IMMP2L: variants seen among roughly 807,000 people sequenced by gnomAD.
The protein encoded by IMMP2L is inner mitochondrial membrane peptidase subunit 2, also known as mitochondrial inner membrane protease subunit 2.
Under a neutral mutation model 19.3 loss-of-function variants are expected in IMMP2L, and 18 were observed. The observed-to-expected ratio is 0.93, with a 90% CI of 0.64 to 1.38. IMMP2L has a LOEUF of 1.38. Among genes scored for constraint, IMMP2L ranks in the 40% most tolerant of loss-of-function variants. The pLI, the probability that IMMP2L is intolerant of heterozygous loss-of-function variation, is 0.00. For synonymous variants in IMMP2L, 76 were observed against 73.0 expected (o/e 1.04, Z -0.21); for missense variants, 233 against 218.2 (o/e 1.07, Z -0.43).
At chr7:111,500,671 C>G (rs957359702) in intron 2 of IMMP2L, among the ~76,000 whole-genome samples, 1 of 152,060 alleles carries the variant, frequency 6.6e-6, no homozygotes, top group Non-Finnish European at 1.5e-5. Flanking sequence ...TCTACAGCCA[C>G]CGCTGTTCTG....
chr7:111,309,977 G>A (rs1422004570), intron 3 of IMMP2L, among the ~76,000 whole-genome samples: 2 of 152,070 alleles, frequency 1.3e-5, no homozygotes, highest in African/African-American at 4.8e-5. Context: ...GCTCACACCT[G>A]TAATCCCAGC....
chr7:111,223,378 A>C (rs1276326692), intron 3 of IMMP2L, among the ~76,000 whole-genome samples: 1 of 152,110 alleles, frequency 6.6e-6, no homozygotes, highest in Non-Finnish European at 1.5e-5. Context: ...TGTTTTAAAA[A>C]TATTTTCTAA....
intron 3 of IMMP2L, among the ~76,000 whole-genome samples, chr7:111,076,606 A>G (rs1795437190): frequency 6.6e-6 from 1 of 152,180 alleles, no homozygotes; most frequent in Admixed American, 6.5e-5. Context: ...TTTGTCCATT[A>G]GCCTTCTGTC....
At chr7:111,219,974 C>T (rs2129620344) in intron 3 of IMMP2L, among the ~76,000 whole-genome samples, 1 of 152,060 alleles carries the variant, frequency 6.6e-6, no homozygotes, top group East Asian at 1.9e-4. Context: ...AGAAATTTCA[C>T]AAAATAAATT....
chr7:111,316,448 T>C (rs1436574136), intron 3 of IMMP2L, among the ~76,000 whole-genome samples: 1 of 152,138 alleles, frequency 6.6e-6, no homozygotes, highest in Non-Finnish European at 1.5e-5. Flanking sequence ...ATGTATGATT[T>C]AGGGATGAAT....
intron 4 of IMMP2L, among the ~76,000 whole-genome samples, chr7:110,951,672 A>C (rs1054285050): frequency 7.9e-5 from 12 of 151,940 alleles, no homozygotes; most frequent in African/African-American, 2.9e-4. Flanking sequence ...AACTTTGCCA[A>C]GGTTACACAG....
In IMMP2L at chr7:111,333,212, G is replaced by T. The variant is rs188750233; in HGVS notation, c.239+154026C>A. Among the ~76,000 whole-genome samples the T allele has an allele frequency of 4.5e-4, 69 of 152,276 alleles. No individual in the cohort carries two copies. In the East Asian group the frequency reaches 0.013, roughly 28 times the overall value. On this transcript the variant is annotated intron_variant, in intron 3 of 5. Coordinates refer to ENST00000405709, the MANE Select transcript of IMMP2L (RefSeq NM_032549.4). Reference sequence around the variant, plus strand: ...GTGACCAGTTGCACAAACAAGGACTGTAATTGTAATGAGTATTTCCTCCTT... The same window carrying T: ...GTGACCAGTTGCACAAACAAGGACTTTAATTGTAATGAGTATTTCCTCCTT...
chr7:110,676,005 A>G (rs1792270522), intron 5 of IMMP2L, among the ~76,000 whole-genome samples: 3 of 152,220 alleles, frequency 2.0e-5, no homozygotes, highest in Non-Finnish European at 4.4e-5. Context: ...TTAAACCTGC[A>G]GTATAGATAT....
intron 4 of IMMP2L, among the ~76,000 whole-genome samples, chr7:110,905,740 A>G (rs1177650561): frequency 6.6e-6 from 1 of 152,174 alleles, no homozygotes; most frequent in Non-Finnish European, 1.5e-5. Flanking sequence ...TACCTCAACA[A>G]TTAGAAATCC....
chr7:111,015,070 T>C (rs548685661), intron 3 of IMMP2L, among the ~76,000 whole-genome samples: 2 of 152,052 alleles, frequency 1.3e-5, no homozygotes, highest in South Asian at 2.1e-4. Flanking sequence ...CACAAAGGAA[T>C]GAAAACCAAA....
chr7:111,307,538 A>G (rs1337327171), intron 3 of IMMP2L, among the ~76,000 whole-genome samples: 5 of 151,796 alleles, frequency 3.3e-5, no homozygotes, highest in Non-Finnish European at 7.4e-5. Flanking sequence ...TCTCAAAATT[A>G]TATCTGCTAT....
chr7:110,776,374 C>T (rs1197722550), intron 5 of IMMP2L, among the ~76,000 whole-genome samples: 3 of 152,010 alleles, frequency 2.0e-5, no homozygotes, highest in Admixed American at 1.3e-4. Flanking sequence ...GGTATCTCTA[C>T]GTTCCATGAA....
intron 3 of IMMP2L, among the ~76,000 whole-genome samples, chr7:111,018,780 GTGT>G: frequency 7.2e-6 from 1 of 138,446 alleles, no homozygotes; most frequent in Admixed American, 7.7e-5. Flanking sequence ...TGGAAATTGT[GTGT>G]CTTTTTATTA....
chr7:111,146,188 T>C (rs1026192775), intron 3 of IMMP2L, among the ~76,000 whole-genome samples: 17 of 142,660 alleles, frequency 1.2e-4, no homozygotes, highest in Admixed American at 7.5e-5. Context: ...GATGGATCTG[T>C]GCTGTTCTTG....
chr7:110,819,406 G>T (rs1802831340), intron 5 of IMMP2L, among the ~76,000 whole-genome samples: 1 of 151,954 alleles, frequency 6.6e-6, no homozygotes, highest in South Asian at 2.1e-4. Flanking sequence ...CATATATTTT[G>T]GCTGAAGTGC....
intron 3 of IMMP2L, among the ~76,000 whole-genome samples, chr7:111,055,735 G>A (rs1027931395): frequency 6.6e-6 from 1 of 152,170 alleles, no homozygotes; most frequent in African/African-American, 2.4e-5. Flanking sequence ...GGACATAATG[G>A]GTAGAGGGAT....
At chr7:111,501,335 A>C (rs1335450736) in intron 2 of IMMP2L, among the ~76,000 whole-genome samples, 1 of 152,204 alleles carries the variant, frequency 6.6e-6, no homozygotes, top group East Asian at 1.9e-4. Context: ...AAAAGACCAA[A>C]TCTACGTCTG....
chr7:111,258,863 T>G (rs1817007416), intron 3 of IMMP2L, among the ~76,000 whole-genome samples: 1 of 152,070 alleles, frequency 6.6e-6, no homozygotes, highest in Admixed American at 6.6e-5. Flanking sequence ...TACTTATACT[T>G]AAGTACTGAA....
At chr7:111,389,012 T>G (rs971147373) in intron 3 of IMMP2L, among the ~76,000 whole-genome samples, 1 of 152,104 alleles carries the variant, frequency 6.6e-6, no homozygotes, top group East Asian at 1.9e-4. Context: ...TTAGACCCAG[T>G]AGCAAAGAGC....
Sources: allele counts gnomAD v4.1 joint callset (sites outside exome capture counted in the v4.1 genomes callset), GRCh38; gene constraint gnomAD v4.1.1; transcripts MANE v1.5; gene names NCBI Gene and HGNC (gene_info 2026-07-23, HGNC 2026-07-21).